The following UNC80 variants were observed in gnomAD, a reference collection of about 807,000 sequenced individuals.
UNC80 encodes the protein protein unc-80 homolog.
Under a neutral mutation model 384.6 loss-of-function variants are expected in UNC80, and 164 were observed. The observed-to-expected ratio is 0.43, with a 90% CI of 0.38 to 0.49. The LOEUF is 0.49. Among genes scored for constraint, UNC80 ranks in the 20% least tolerant of loss-of-function variants. The pLI is 0.00. For synonymous variants in UNC80, 1,486 were observed against 1,527.8 expected (o/e 0.97, Z 0.64); for missense variants, 3,330 against 4,143.0 (o/e 0.80, Z 5.39).
chr2:209,807,982 A>AT (rs1171090461), intron 7 of UNC80, among the ~76,000 whole-genome samples: 2 of 152,046 alleles, frequency 1.3e-5, no homozygotes, highest in Non-Finnish European at 2.9e-5. Flanking sequence ...TTGAAATGTG[A>AT]TTTTACTTAA....
chr2:209,885,339 G>A (rs886958487), intron 25 of UNC80, among the ~76,000 whole-genome samples: 2 of 152,106 alleles, frequency 1.3e-5, no homozygotes, highest in Non-Finnish European at 2.9e-5. Context: ...AGAGAGCCAC[G>A]GCTAGCCAAA....
intron 1 of UNC80, among the ~76,000 whole-genome samples, chr2:209,772,781 T>G (rs2076650830): frequency 6.6e-6 from 1 of 152,228 alleles, no homozygotes; most frequent in East Asian, 1.9e-4. Context: ...TGTTCAATTT[T>G]CAGTTTTTAT....
chr2:209,905,256 C>T (rs1204000900), intron 29 of UNC80, among the ~76,000 whole-genome samples: 2 of 152,144 alleles, frequency 1.3e-5, no homozygotes, highest in Non-Finnish European at 2.9e-5. Context: ...TAATGCCTCT[C>T]CCACAAAGAC....
At chr2:209,911,723 A>G (rs1282646269) in intron 29 of UNC80, among the ~76,000 whole-genome samples, 1 of 152,176 alleles carries the variant, frequency 6.6e-6, no homozygotes, top group Non-Finnish European at 1.5e-5. Flanking sequence ...ATTCTGTTTG[A>G]GGAGAACGAT....
chr2:209,955,695 A>G (rs985029112), intron 48 of UNC80, among the ~76,000 whole-genome samples: 1 of 7,128 alleles, frequency 1.4e-4, no homozygotes, highest in South Asian at 3.2e-3. Context: ...TATTTCTAAT[A>G]TATATATATA....
chr2:209,978,939 G>A (rs924088611), intron 59 of UNC80, among the ~76,000 whole-genome samples: 4 of 152,160 alleles, frequency 2.6e-5, no homozygotes, highest in South Asian at 2.1e-4. Context: ...AAGTAAATAT[G>A]AATTTGAATA....
chr2:209,829,228 G>A lies in UNC80; in HGVS notation c.2479-4G>A, dbSNP rs1338950559. 3 of 1,550,704 alleles carry A rather than the reference G, an allele frequency of 1.9e-6. No homozygotes were observed. Among genetic ancestry groups the A allele is most frequent in the East Asian group, 4.9e-5 (2 of 40,892 alleles). On this transcript the variant is annotated splice_region_variant and splice_polypyrimidine_tract_variant and intron_variant, in intron 14 of 64. Transcript: ENST00000673920. ...ACTTTTTCACTTTTCTTCCTTCATT[G>A]CAGGCCCAGAACTGCCTCACTAAGC... is the stretch of plus-strand genomic sequence containing the variant.
chr2:209,959,932 A>G (rs1286511865), intron 51 of UNC80, among the ~76,000 whole-genome samples: 1 of 152,240 alleles, frequency 6.6e-6, no homozygotes, highest in Non-Finnish European at 1.5e-5. Context: ...TTCTTAAGAT[A>G]GAAAAGCACA....
intron 64 of UNC80, among the ~76,000 whole-genome samples, chr2:209,995,086 C>T (rs1424256358): frequency 6.6e-6 from 1 of 152,094 alleles, no homozygotes; most frequent in Non-Finnish European, 1.5e-5. Flanking sequence ...GCATTATTAT[C>T]TCATTTGATC....
intron 27 of UNC80, among the ~76,000 whole-genome samples, chr2:209,895,119 C>A (rs879546810): frequency 6.6e-6 from 1 of 152,164 alleles, no homozygotes; most frequent in East Asian, 1.9e-4. Flanking sequence ...AAAGAGATTT[C>A]AAATACCAAA....
At position 209,817,047 on chromosome 2, in the gene UNC80, T is replaced by C. The variant is rs2079793756; in HGVS notation, c.1474T>C (p.Phe492Leu). ...HLDVSPTRSTFSFGSFSGLGE... is the reference protein window; with the variant it reads ...HLDVSPTRSTLSFGSFSGLGE... ...GGATGTGTCCCCCACGCGCAGCACA[T>C]TCTCCTTTGGAAGTTTCTCTGGGCT... The change falls in exon 10 of 65, where the codon TTC becomes CTC. Residue 492 changes from phenylalanine to leucine, a missense_variant. Phe to Leu is a conservative substitution (Grantham distance 22). Transcript: ENST00000673920. The C allele has an allele frequency of 6.4e-7, 1 of 1,551,714 alleles. No homozygotes were observed. The highest frequency in any genetic ancestry group is 8.7e-7 in the Non-Finnish European group (1 of 1,147,012).
chr2:209,900,450 T>C (rs62201563), intron 28 of UNC80, among the ~76,000 whole-genome samples: 16,784 of 152,216 alleles, frequency 0.11, 1,289 homozygotes, highest in Non-Finnish European at 0.17. Context: ...CACACCCATA[T>C]TGATGTTGAA....
At chr2:209,829,958 T>A (rs552758547) in intron 15 of UNC80, among the ~76,000 whole-genome samples, 1 of 152,338 alleles carries the variant, frequency 6.6e-6, no homozygotes, top group South Asian at 2.1e-4. Flanking sequence ...AAAACTCTAG[T>A]ATGAAGGCCT....
At chr2:209,835,200 T>A (rs16843762) in intron 18 of UNC80, among the ~76,000 whole-genome samples, 190 bp downstream of exon 18, 5,034 of 152,268 alleles carry the variant, frequency 0.033, 274 homozygotes, top group African/African-American at 0.11. Flanking sequence ...TCTGTGCCTA[T>A]GAGAAGCCTC....
At chr2:209,781,914 T>C (rs1443188782) in intron 4 of UNC80, among the ~76,000 whole-genome samples, 2 of 152,232 alleles carry the variant, frequency 1.3e-5, no homozygotes, top group Non-Finnish European at 2.9e-5. Context: ...ATGGATGTAT[T>C]CACAAAAACT....
Position 209,872,929 on chromosome 2 carries a change from C to T in UNC80, c.3799C>T (p.Leu1267=), listed in dbSNP as rs1175779285. Reference sequence around the variant, plus strand: ...TGTGGGCAACAAGCGAAACCAGAAGCTGCAGTGGAATGCAGCCAAGCTCTT... The same window carrying T: ...TGTGGGCAACAAGCGAAACCAGAAGTTGCAGTGGAATGCAGCCAAGCTCTT... ...PIVGNKRNQK[L]QWNAAKLFYQ... is the part of the protein sequence containing the mutation. Residue 1267 remains leucine (L), a synonymous_variant, in exon 23 of 65, where the codon CTG becomes TTG. Coordinates refer to ENST00000673920, the MANE Select transcript of UNC80 (RefSeq NM_001371986.1). The surrounding 1 kb of genome is among the most constrained non-coding windows in gnomAD (Gnocchi z 4.1). 2 of 1,551,652 alleles carry T rather than the reference C, an allele frequency of 1.3e-6. No individual in the cohort carries two copies. Among genetic ancestry groups the T allele is most frequent in the Non-Finnish European group, 1.7e-6 (2 of 1,146,978 alleles).
chr2:209,819,115 C>G lies in UNC80; in HGVS notation c.1816C>G (p.Pro606Ala). The change falls in exon 12 of 65, where the codon CCG (proline) becomes GCG (alanine). Residue 606 changes from proline to alanine, a missense_variant. By Grantham distance (27) the Pro-to-Ala change is conservative. Coordinates refer to ENST00000673920, the MANE Select transcript of UNC80 (RefSeq NM_001371986.1). Reference sequence around the variant, plus strand: ...GAAACTCTGCAACCAGGTGCCTATCCCGGAGATGCCACATGAACCTCTGGC... The same window carrying G: ...GAAACTCTGCAACCAGGTGCCTATCGCGGAGATGCCACATGAACCTCTGGC... ...MRKLCNQVPI[P>A]EMPHEPLACA... 2.6e-6 allele frequency: 4 copies of G among 1,552,180 alleles called. No homozygotes were observed. The highest frequency in any genetic ancestry group is 2.6e-6 in the Non-Finnish European group (3 of 1,147,112).
chr2:209,904,677 C>G (rs2087961219), intron 28 of UNC80, 88 bp from the exon 29 acceptor site: 1 of 1,163,752 alleles, frequency 8.6e-7, no homozygotes, highest in East Asian at 2.6e-5. Context: ...AGCTGACATT[C>G]TGACTTCCCA....
At chr2:209,914,518 T>C (rs1294655892) in intron 31 of UNC80, among the ~76,000 whole-genome samples, 3 of 152,028 alleles carry the variant, frequency 2.0e-5, no homozygotes, top group Non-Finnish European at 4.4e-5. Context: ...TGTATGAAGC[T>C]AAAAGTATTG....
Sources: gnomAD v4.1 joint callset for allele counts (sites outside exome capture counted in the v4.1 genomes callset) on GRCh38, gnomAD v4.1.1 for gene constraint, Gnocchi (gnomAD v3.1) non-coding constraint, MANE v1.5 for transcripts, NCBI Gene and HGNC (gene_info 2026-07-23, HGNC 2026-07-21) for gene names.